LMF1: variants seen among roughly 807,000 people sequenced by gnomAD.
LMF1 encodes the protein lipase maturation factor 1.
Under a neutral mutation model 60.6 loss-of-function variants are expected in LMF1, and 68 were observed. The ratio of observed to expected loss-of-function variants is 1.12; its 90% CI spans 0.92 to 1.37. The LOEUF (loss-of-function observed/expected upper bound fraction) is 1.37. LMF1 is among the 40% of genes most tolerant of loss of function. The pLI is 0.00. For synonymous variants in LMF1, 418 were observed against 324.7 expected, an observed-to-expected ratio of 1.29 and a Z score of -3.09; for missense variants, 948 against 767.2, an observed-to-expected ratio of 1.24 and a Z score of -2.78.
At chr16:975,410 G>A (rs189666531), upstream of LMF1, among the ~76,000 whole-genome samples, 59 of 152,226 alleles carry the variant, frequency 3.9e-4, no homozygotes, top group Admixed American at 3.1e-3. Flanking sequence ...AGAGCCCTGC[G>A]GGCTGAGCTC....
At chr16:888,920 T>TC (rs879867702) in intron 5 of LMF1, among the ~76,000 whole-genome samples, 8 of 149,924 alleles carry the variant, frequency 5.3e-5, no homozygotes, top group East Asian at 1.9e-4. Context: ...AGGAGCTGCA[T>TC]CCCCCCTCTC....
intron 4 of LMF1, chr16:905,026 G>A (rs2070936909): frequency 1.2e-5 from 1 of 82,006 alleles, no homozygotes; most frequent in Non-Finnish European, 2.6e-5. Flanking sequence ...CTGCTGTGTG[G>A]TGGTGACCTC....
At position 897,997 on chromosome 16, in the gene LMF1, C is replaced by T. The variant is rs1044635940; in HGVS notation, c.664-4925G>A. 8.5e-5 allele frequency among the ~76,000 whole-genome samples: 13 copies of T among 152,204 alleles called. No individual in the cohort carries two copies. Among genetic ancestry groups the T allele is most frequent in the South Asian group, 2.1e-4 (1 of 4,838 alleles). On this transcript the variant is annotated intron_variant, in intron 4 of 10. Coordinates refer to ENST00000262301, the MANE Select transcript of LMF1 (RefSeq NM_022773.4). The surrounding 1 kb of genome is among the most constrained non-coding windows in gnomAD (Gnocchi z 4.3). The stretch of plus-strand genomic sequence containing the variant: ...TCCTCTGCGTGGTGGGCGCCTTCTG[C>T]GTGGCGGGCGTCCTCTGGAGGAGGG...
At chr16:895,724 G>A (rs1204767124) in intron 4 of LMF1, among the ~76,000 whole-genome samples, 1 of 152,182 alleles carries the variant, frequency 6.6e-6, no homozygotes, top group African/African-American at 2.4e-5. Flanking sequence ...GAAACGGCAG[G>A]GGAGTGGGAC....
At chr16:973,505 G>GA (rs2151501680), upstream of LMF1, among the ~76,000 whole-genome samples, 1 of 152,332 alleles carries the variant, frequency 6.6e-6, no homozygotes, top group South Asian at 2.1e-4. Flanking sequence ...AAGCCACGGG[G>GA]AAAGGAGGGA....
In LMF1 at chr16:861,821, G is replaced by A. The variant is rs557969676; in HGVS notation, c.1530-7115C>T. Among the ~76,000 whole-genome samples, 30 of 152,252 alleles carry A rather than the reference G, an allele frequency of 2.0e-4. 1 individual carries two copies. The South Asian group carries it at 6.0e-3, about 30-fold the overall frequency. On this transcript the variant is annotated intron_variant, in intron 10 of 10. Transcript: ENST00000262301. Reference sequence around the variant, plus strand: ...TGCCCAGCGCTTCCAGCACCATGCCGGATCCGATGGTTAGAGCAGACGTCC... The same window carrying A: ...TGCCCAGCGCTTCCAGCACCATGCCAGATCCGATGGTTAGAGCAGACGTCC...
chr16:975,454 G>A (rs916633890), upstream of LMF1, among the ~76,000 whole-genome samples: 7 of 152,188 alleles, frequency 4.6e-5, no homozygotes, highest in East Asian at 1.9e-4. Context: ...ACCGTGTAGC[G>A]GTCACCGACG....
Position 871,209 on chromosome 16 carries a change from GA to G in LMF1, c.1029del (p.Leu344CysfsTer44), listed in dbSNP as rs1483079343. On this transcript the variant is annotated frameshift_variant, in exon 7 of 11. Transcript: ENST00000262301. LOFTEE classifies it high-confidence loss of function. ...CCTCGGATGTCCCTCTGCATCTGCA[GA>G]ACTCGGTCCTTCAGGCTGCCTGGCC... ...PSGPGSLKDR[V>X]LQMQRDIRGA... 1 of 1,611,186 alleles carries G rather than the reference GA, an allele frequency of 6.2e-7. No individual in the cohort carries two copies. Among genetic ancestry groups the G allele is most frequent in the Admixed American group, 1.7e-5 (1 of 59,838 alleles).
At chr16:908,781 C>T in intron 4 of LMF1, among the ~76,000 whole-genome samples, 1 of 152,246 alleles carries the variant, frequency 6.6e-6, no homozygotes, top group African/African-American at 2.4e-5. Context: ...AGACTCCCCA[C>T]AGCCCCAGAA....
At chr16:942,994 T>C (rs1197003704) in intron 2 of LMF1, among the ~76,000 whole-genome samples, 2 of 152,382 alleles carry the variant, frequency 1.3e-5, no homozygotes, top group East Asian at 3.9e-4. Flanking sequence ...ACCTCCAACC[T>C]GTTATTAAGC....
chr16:876,975 G>A (rs1270968426), intron 6 of LMF1, among the ~76,000 whole-genome samples: 2 of 152,202 alleles, frequency 1.3e-5, no homozygotes, highest in Admixed American at 6.5e-5. Flanking sequence ...ACTTAAAAGA[G>A]AAAGACGGCC....
intron 3 of LMF1, among the ~76,000 whole-genome samples, chr16:922,027 C>G (rs1489455948): frequency 1.3e-5 from 2 of 152,170 alleles, no homozygotes; most frequent in African/African-American, 4.8e-5. Flanking sequence ...CGTTCCCCCA[C>G]AGCTGAGGAG....
chr16:888,133 C>G (rs1475251992), intron 5 of LMF1, among the ~76,000 whole-genome samples: 1 of 152,212 alleles, frequency 6.6e-6, no homozygotes, highest in East Asian at 1.9e-4. Context: ...CACAGACAGG[C>G]CCGGCCTCGG....
At chr16:921,683 T>C (rs1011668774) in intron 3 of LMF1, among the ~76,000 whole-genome samples, 5 of 152,016 alleles carry the variant, frequency 3.3e-5, no homozygotes, top group Non-Finnish European at 7.4e-5. Context: ...GCTAATGATG[T>C]GGGAAGCATT....
At chr16:943,726 C>CAAAA (rs3057499) in intron 2 of LMF1, among the ~76,000 whole-genome samples, 801 of 56,606 alleles carry the variant, frequency 0.014, 40 homozygotes, top group African/African-American at 0.048. Flanking sequence ...GACTCTGTCT[C>CAAAA]AAAAAAAAAA....
At chr16:928,613 G>T (rs1051598358) in intron 3 of LMF1, among the ~76,000 whole-genome samples, 4 of 152,034 alleles carry the variant, frequency 2.6e-5, no homozygotes, top group Admixed American at 2.6e-4. Context: ...GAGCAGGGGG[G>T]CAAAGGCCTC....
Position 855,227 on chromosome 16 carries a change from G to A in LMF1, c.1530-521C>T, listed in dbSNP as rs556584012. 15 of 238,984 alleles carry A rather than the reference G, an allele frequency of 6.3e-5. No homozygotes were observed. The South Asian group carries it at 7.0e-4, about 11-fold the overall frequency. The allele number at this position is 238,984 out of a possible 1,614,324, so 14.8% of individuals were successfully genotyped here. ...AGGCCGGGACCTGTTTCCTGAGGGC[G>A]GAGCCTCTGCTTCCCAGGGCTTCAG... On this transcript the variant is annotated intron_variant, in intron 10 of 10. Coordinates refer to ENST00000262301, the MANE Select transcript of LMF1 (RefSeq NM_022773.4).
chr16:900,527 T>A (rs944209610), intron 4 of LMF1: 1 of 152,248 alleles, frequency 6.6e-6, no homozygotes, highest in Non-Finnish European at 1.5e-5. Context: ...TTTATTTTTT[T>A]GAGCTGGAGT....
rs1392436644 is a variant in LMF1 at position 954,318 on chromosome 16, C to G, written c.503+39G>C. On this transcript the variant is annotated intron_variant, in intron 2 of 10. Coordinates refer to ENST00000262301, the MANE Select transcript of LMF1 (RefSeq NM_022773.4). ...CTGCAGTGCCTGTGCTGAGTGACAG[C>G]AAGCCCTAAGCTCCGACCGCCCCAT... The G allele has an allele frequency of 5.0e-6, 8 of 1,591,224 alleles. No homozygotes were observed. The South Asian group carries it at 9.1e-5, about 18-fold the overall frequency.
Sources: gnomAD v4.1 joint callset for allele counts (sites outside exome capture counted in the v4.1 genomes callset) on GRCh38, gnomAD v4.1.1 for gene constraint, Gnocchi (gnomAD v3.1) non-coding constraint, MANE v1.5 for transcripts, NCBI Gene and HGNC (gene_info 2026-07-23, HGNC 2026-07-21) for gene names.